Variants in ACAD10 observed in about 807,000 individuals in gnomAD.
ACAD10 encodes ACAD-10.
Under a neutral mutation model 116.8 loss-of-function variants are expected in ACAD10, and 112 were observed. The observed-to-expected ratio is 0.96, with a 90% CI of 0.82 to 1.12. The LOEUF is 1.12. ACAD10 is among the 50% of genes most tolerant of loss of function. The probability of loss-of-function intolerance (pLI) is 0.00; values close to 1 mark genes in which losing one functional copy is unlikely to be tolerated. For synonymous variants in ACAD10, 486 were observed against 510.6 expected (o/e 0.95, Z 0.65); for missense variants, 1,259 against 1,350.2 (o/e 0.93, Z 1.06).
chr12:111,686,711 C>A (rs189859345), intron 1 of ACAD10, among the ~76,000 whole-genome samples: 1 of 152,018 alleles, frequency 6.6e-6, no homozygotes, highest in Non-Finnish European at 1.5e-5. Context: ...AGCGAAACTC[C>A]GTCTCAAAAA....
intron 5 of ACAD10, among the ~76,000 whole-genome samples, 165 bp from the exon 6 acceptor site, chr12:111,712,333 A>G (rs1888709441): frequency 6.6e-6 from 1 of 152,228 alleles, no homozygotes; most frequent in Non-Finnish European, 1.5e-5. Flanking sequence ...CCCTGAGGCC[A>G]GGATTGACTG....
Position 111,728,100 on chromosome 12 carries a change from T to A in ACAD10, c.1200T>A (p.Ser400Arg), listed in dbSNP as rs1889276899. ...ACACAGTCCTGTGCAAAATTCACAG[T>A]GTGGATCTGCAGGCTGTGGGACTTG... ...AMNTVLCKIH[S>R]VDLQAVGLED... Residue 400 changes from serine (S) to arginine (R), a missense_variant, in exon 9 of 21, where the codon AGT (serine) becomes AGA (arginine). Ser to Arg is a moderately radical substitution (Grantham distance 110, BLOSUM62 -1). Coordinates refer to ENST00000313698, the MANE Select transcript of ACAD10 (RefSeq NM_025247.6). 6.2e-7 allele frequency: 1 copy of A among 1,613,344 alleles called. No individual in the cohort carries two copies. The highest frequency in any genetic ancestry group is 1.3e-5 in the African/African-American group (1 of 74,900).
chr12:111,715,812 A>G lies in ACAD10; in HGVS notation c.851-9A>G, dbSNP rs758367763. The G allele has an allele frequency of 6.2e-7, 1 of 1,614,186 alleles. No individual in the cohort carries two copies. Among genetic ancestry groups the G allele is most frequent in the South Asian group, 1.1e-5 (1 of 91,082 alleles). On this transcript the variant is annotated splice_polypyrimidine_tract_variant and intron_variant, in intron 6 of 20. Transcript: ENST00000313698. ...CTGGTTTGAGTTTTCTTTGTTTTCA[A>G]ACTTGCAGGCCCATTGGAACTACTT...
chr12:111,755,562 C>T, intron 19 of ACAD10, 106 bp from the exon 20 acceptor site: 2 of 771,504 alleles, frequency 2.6e-6, no homozygotes, highest in Non-Finnish European at 4.5e-6. Flanking sequence ...GCTACCACAC[C>T]CTGCTAGTTT....
At chr12:111,718,701 A>G (rs1306925457) in intron 7 of ACAD10, among the ~76,000 whole-genome samples, 1 of 151,520 alleles carries the variant, frequency 6.6e-6, no homozygotes, top group Admixed American at 6.6e-5. Flanking sequence ...GCTGGTCCGA[A>G]CTCTTGACCT....
At chr12:111,731,493 A>G (rs1170496990) in intron 10 of ACAD10, among the ~76,000 whole-genome samples, 12 of 152,108 alleles carry the variant, frequency 7.9e-5, no homozygotes, top group African/African-American at 2.7e-4. Flanking sequence ...TGCTCCGTGG[A>G]CCTTGTCTTT....
At chr12:111,687,388 G>C (rs964588432) in intron 1 of ACAD10, among the ~76,000 whole-genome samples, 7 of 152,106 alleles carry the variant, frequency 4.6e-5, no homozygotes, top group African/African-American at 1.4e-4. Context: ...GGTGTCCTGA[G>C]CATTGTAGAG....
At chr12:111,699,000 C>T (rs1888273460) in intron 2 of ACAD10, among the ~76,000 whole-genome samples, 2 of 152,030 alleles carry the variant, frequency 1.3e-5, no homozygotes, top group African/African-American at 2.4e-5. Flanking sequence ...CCACCTCAGC[C>T]TCACAGGTAG....
At chr12:111,706,606 T>A (rs1888512140) in intron 4 of ACAD10, among the ~76,000 whole-genome samples, 2 of 150,074 alleles carry the variant, frequency 1.3e-5, no homozygotes, top group Admixed American at 1.3e-4. Flanking sequence ...TGTGCCACCA[T>A]GCCTGGCTAA....
At position 111,692,740 on chromosome 12, in the gene ACAD10, C is replaced by A. The variant is rs771861294; in HGVS notation, c.31C>A (p.Arg11Ser). The change falls in exon 2 of 21, where the codon CGT (arginine) becomes AGT (serine). Residue 11 changes from arginine to serine, a missense_variant. Transcript: ENST00000313698. MCVRSCFQSP[R>S]LQWVWRTAFL... ...TGTCAGGAGCTGTTTCCAGTCCCCC[C>A]GTCTCCAGTGGGTGTGGAGAACAGC... 15 of 1,614,142 alleles carry A rather than the reference C, an allele frequency of 9.3e-6. No individual in the cohort carries two copies. Among genetic ancestry groups the A allele is most frequent in the Non-Finnish European group, 1.2e-5 (14 of 1,180,016 alleles).
rs779938001 is a variant in ACAD10 at position 111,717,346 on chromosome 12, C to CAA, written c.992+1404_992+1405dup. Among the ~76,000 whole-genome samples the CAA allele has an allele frequency of 2.6e-3, 203 of 76,732 alleles. 1 individual carries two copies. The highest frequency in any genetic ancestry group is 5.9e-3 in the African/African-American group (129 of 21,870). The allele number at this position is 76,732 out of a possible 152,430, so 50.3% of individuals were successfully genotyped here. A position where few individuals can be genotyped will look rare whatever the true frequency, so the allele number is the denominator to read the frequency against. On this transcript the variant is annotated intron_variant, in intron 7 of 20. Transcript: ENST00000313698. ...GCACTCACAAAGTGAGACCCTGTCT[C>CAA]AAAAAAAAAAAAAAAAAAAAATTAA...
At chr12:111,695,548 C>T (rs1888170313) in intron 2 of ACAD10, among the ~76,000 whole-genome samples, 1 of 152,088 alleles carries the variant, frequency 6.6e-6, no homozygotes, top group Non-Finnish European at 1.5e-5. Flanking sequence ...TCTGGGATTT[C>T]TTCACTTCAC....
chr12:111,686,499 C>T (rs1251891747), intron 1 of ACAD10: 1 of 152,370 alleles, frequency 6.6e-6, no homozygotes, highest in Non-Finnish European at 1.5e-5. Flanking sequence ...CGAATCACCT[C>T]AGGTCAGCAG....
At chr12:111,730,668 G>A (rs1889360110) in intron 10 of ACAD10, among the ~76,000 whole-genome samples, 2 of 152,076 alleles carry the variant, frequency 1.3e-5, no homozygotes, top group Non-Finnish European at 2.9e-5. Flanking sequence ...GCCTTATTTG[G>A]CTTGTCTTCT....
intron 12 of ACAD10, among the ~76,000 whole-genome samples, chr12:111,742,223 C>T (rs1219165109): frequency 6.6e-6 from 1 of 151,956 alleles, no homozygotes; most frequent in African/African-American, 2.4e-5. Context: ...TGGGAGCCAA[C>T]CAAATAGAAG....
intron 2 of ACAD10, among the ~76,000 whole-genome samples, chr12:111,693,937 G>A (rs1037408665): frequency 6.6e-6 from 1 of 152,144 alleles, no homozygotes; most frequent in African/African-American, 2.4e-5. Context: ...TTTATAGCAT[G>A]TTGCTCTGCT....
chr12:111,714,352 G>C (rs772352840), intron 6 of ACAD10, among the ~76,000 whole-genome samples: 3 of 152,052 alleles, frequency 2.0e-5, no homozygotes, highest in Admixed American at 6.6e-5. Context: ...CAGAAAACCA[G>C]GTGCCTTGTG....
In ACAD10 at chr12:111,736,848, T is replaced by G; in HGVS notation, c.1558T>G (p.Leu520Val). 1 of 1,613,886 alleles carries G rather than the reference T, an allele frequency of 6.2e-7. No homozygotes were observed. Among genetic ancestry groups the G allele is most frequent in the Non-Finnish European group, 8.5e-7 (1 of 1,179,862 alleles). ...PVLRGINDCD[L>V]TQLGIPAAEE... ...TCTCGCAGGTATTAATGACTGTGAC[T>G]TGACACAGCTGGGAATCCCTGCTGC... is the stretch of plus-strand genomic sequence containing the variant. The change falls in exon 12 of 21, where the codon TTG (leucine) becomes GTG (valine). Residue 520 changes from leucine to valine, a missense_variant. By Grantham distance (32) the Leu-to-Val change is conservative. Coordinates refer to ENST00000313698, the MANE Select transcript of ACAD10 (RefSeq NM_025247.6).
chr12:111,735,411 T>C (rs1388005241), intron 11 of ACAD10, among the ~76,000 whole-genome samples: 1 of 152,142 alleles, frequency 6.6e-6, no homozygotes, highest in African/African-American at 2.4e-5. Flanking sequence ...TGGAATATAT[T>C]ACATGCTTCT....
Sources: gnomAD v4.1 joint callset for allele counts (sites outside exome capture counted in the v4.1 genomes callset) on GRCh38, gnomAD v4.1.1 for gene constraint, MANE v1.5 for transcripts, NCBI Gene and HGNC (gene_info 2026-07-23, HGNC 2026-07-21) for gene names.